TIMMDC1: variants seen among roughly 807,000 people sequenced by gnomAD.
The protein encoded by TIMMDC1 is translocase of inner mitochondrial membrane domain containing 1, also known as complex I assembly factor TIMMDC1, mitochondrial.
In TIMMDC1, 25 loss-of-function variants were observed where a neutral mutation model predicts 32.6. The ratio of observed to expected loss-of-function variants is 0.77; its 90% CI spans 0.56 to 1.07. The LOEUF is 1.07. Ranked by LOEUF, TIMMDC1 falls within the 50% of genes least tolerant of loss-of-function variation. The probability of loss-of-function intolerance (pLI) is 0.00; values close to 1 mark genes in which losing one functional copy is unlikely to be tolerated. For missense variants in TIMMDC1, 329 were observed against 349.2 expected (o/e 0.94, Z 0.46); for synonymous variants, 130 against 127.6 (o/e 1.02, Z -0.13).
Position 119,504,039 on chromosome 3 carries a change from A to G in TIMMDC1, c.517+18A>G, listed in dbSNP as rs1051975043. On this transcript the variant is annotated intron_variant, in intron 4 of 6. Transcript: ENST00000494664. ...TGCAGGAGGTAAGACATTTTTGTTT[A>G]TATTTTTCAGTCTTCTCAAATACAG... The G allele has an allele frequency of 1.8e-5, 28 of 1,587,482 alleles. 3 individuals carry two copies. In the Admixed American group the frequency reaches 3.5e-4, roughly 20 times the overall value.
chr3:119,516,694 G>A (rs184986191), intron 5 of TIMMDC1, among the ~76,000 whole-genome samples: 2 of 152,270 alleles, frequency 1.3e-5, no homozygotes, highest in East Asian at 3.9e-4. Context: ...CATTGTGGGT[G>A]AGACAGTTAC....
intron 4 of TIMMDC1, among the ~76,000 whole-genome samples, chr3:119,507,201 G>A (rs2081923837): frequency 6.6e-6 from 1 of 152,146 alleles, no homozygotes; most frequent in Non-Finnish European, 1.5e-5. Flanking sequence ...TAAATTCTCA[G>A]TGATTGTTTC....
At chr3:119,508,152 T>A (rs1000127134) in intron 4 of TIMMDC1, among the ~76,000 whole-genome samples, 3 of 152,128 alleles carry the variant, frequency 2.0e-5, no homozygotes, top group African/African-American at 7.2e-5. Flanking sequence ...CTGAGGGGAT[T>A]TTTCTCAGAT....
chr3:119,523,577 T>C, intron 6 of TIMMDC1, 29 bp from the exon 7 acceptor site: 2 of 1,558,236 alleles, frequency 1.3e-6, no homozygotes, highest in Non-Finnish European at 1.7e-6. Context: ...TGGAGCAGTA[T>C]TTGATTTATC....
intron 6 of TIMMDC1, among the ~76,000 whole-genome samples, chr3:119,519,519 A>G (rs1208109161): frequency 6.6e-6 from 1 of 152,220 alleles, no homozygotes; most frequent in Non-Finnish European, 1.5e-5. Context: ...CAAGGTCATT[A>G]TATAATGGTA....
intron 5 of TIMMDC1, among the ~76,000 whole-genome samples, chr3:119,514,663 T>C (rs1037707705): frequency 3.3e-5 from 5 of 152,186 alleles, no homozygotes; most frequent in Non-Finnish European, 2.9e-5. Flanking sequence ...ATAAGTAATA[T>C]TAACTTTAAT....
chr3:119,515,463 T>C (rs2081980080), intron 5 of TIMMDC1, among the ~76,000 whole-genome samples: 1 of 152,224 alleles, frequency 6.6e-6, no homozygotes, highest in African/African-American at 2.4e-5. Context: ...TTCACTCAGA[T>C]AGCCATCTCC....
chr3:119,500,948 G>A (rs1354833184), intron 2 of TIMMDC1, 88 bp downstream of exon 2: 4 of 1,384,914 alleles, frequency 2.9e-6, no homozygotes, highest in South Asian at 1.4e-5. Context: ...TGTGGGGATG[G>A]AGGGTTGTTT....
Position 119,499,260 on chromosome 3 carries a change from AT to A in TIMMDC1, c.194+342del, listed in dbSNP as rs201343271. On this transcript the variant is annotated intron_variant, in intron 1 of 6. Transcript: ENST00000494664. The stretch of plus-strand genomic sequence containing the variant: ...AGGCGCGCACCACCACGCCCGGCTA[AT>A]TTTTTTTTAATGTATTTTTTATAGA... Among the ~76,000 whole-genome samples, 1,102 of 149,216 alleles carry A rather than the reference AT, an allele frequency of 7.4e-3. 6 individuals are homozygous for A. Among genetic ancestry groups the A allele is most frequent in the Non-Finnish European group, 0.011 (759 of 67,270 alleles).
chr3:119,523,145 T>C (rs2082040480), intron 6 of TIMMDC1, among the ~76,000 whole-genome samples: 1 of 152,252 alleles, frequency 6.6e-6, no homozygotes. Flanking sequence ...AGTTTTGTTC[T>C]ATCTGACTTT....
chr3:119,512,985 C>T (rs2081964542), intron 4 of TIMMDC1, among the ~76,000 whole-genome samples: 1 of 152,210 alleles, frequency 6.6e-6, no homozygotes, highest in Admixed American at 6.5e-5. Flanking sequence ...AAGTGATCCG[C>T]CTGCCTTGGC....
chr3:119,514,825 C>A (rs550824105), intron 5 of TIMMDC1, among the ~76,000 whole-genome samples: 3 of 152,112 alleles, frequency 2.0e-5, no homozygotes, highest in African/African-American at 7.2e-5. Flanking sequence ...AGGTCTTGGC[C>A]GGGCTAGGCT....
At chr3:119,503,762 T>C in intron 3 of TIMMDC1, 142 bp downstream of exon 3, 1 of 829,252 alleles carries the variant, frequency 1.2e-6, no homozygotes. Context: ...CAAGAACTTT[T>C]CTCTGTGTAA....
At chr3:119,503,195 G>T (rs952704200) in intron 2 of TIMMDC1, among the ~76,000 whole-genome samples, 2 of 152,028 alleles carry the variant, frequency 1.3e-5, no homozygotes, top group Non-Finnish European at 2.9e-5. Context: ...TTCAGATTTC[G>T]GTTTTTTGGA....
intron 5 of TIMMDC1, among the ~76,000 whole-genome samples, chr3:119,516,580 T>G (rs964590074): frequency 6.6e-6 from 1 of 152,216 alleles, no homozygotes; most frequent in Non-Finnish European, 1.5e-5. Flanking sequence ...AAATTTAAGG[T>G]GTATGAAGGT....
In TIMMDC1 at chr3:119,500,684, T is replaced by C. The variant is rs2081867047; in HGVS notation, c.195-11T>C. The C allele has an allele frequency of 1.2e-6, 2 of 1,608,140 alleles. No homozygotes were observed. The highest frequency in any genetic ancestry group is 2.7e-5 in the African/African-American group (2 of 74,628). The stretch of plus-strand genomic sequence containing the variant: ...CTAATCCCAAACAACATTGTCTTTT[T>C]GATGTTGTAGTGAACAGCAGAGAAT... On this transcript the variant is annotated splice_polypyrimidine_tract_variant and intron_variant, in intron 1 of 6. Transcript: ENST00000494664.
intron 4 of TIMMDC1, among the ~76,000 whole-genome samples, chr3:119,504,286 C>G (rs112976822): frequency 1.6e-4 from 25 of 152,238 alleles, no homozygotes; most frequent in African/African-American, 5.3e-4. Flanking sequence ...AGTAACAATT[C>G]GGTGGAACAA....
At chr3:119,517,365 T>TTA in intron 6 of TIMMDC1, 50 bp downstream of exon 6, 1 of 1,217,490 alleles carries the variant, frequency 8.2e-7, no homozygotes, top group East Asian at 2.3e-5. Flanking sequence ...GCCCCAGGCC[T>TTA]TATATAGTGG....
chr3:119,513,645 C>T lies in TIMMDC1; in HGVS notation c.522C>T (p.Val174=). The change falls in exon 5 of 7, where the codon GTC becomes GTT. Residue 174 remains valine (V), a synonymous_variant. Transcript: ENST00000494664. The part of the protein sequence containing the change: ...ALSHFVIAGA[V]TGSLFRINVG... ...GCCTTTCTTGTTTTTAAATAGCTGT[C>T]ACGGGAAGTCTTTTTAGGATAAACG... 6.2e-7 allele frequency: 1 copy of T among 1,612,064 alleles called. No homozygotes were observed. Among genetic ancestry groups the T allele is most frequent in the African/African-American group, 1.3e-5 (1 of 74,954 alleles).
Sources: allele counts gnomAD v4.1 joint callset (sites outside exome capture counted in the v4.1 genomes callset), GRCh38; gene constraint gnomAD v4.1.1; transcripts MANE v1.5; gene names NCBI Gene and HGNC (gene_info 2026-07-23, HGNC 2026-07-21).